CMSS1: variants seen among roughly 807,000 people sequenced by gnomAD.
The protein encoded by CMSS1 is protein CMSS1.
Under a neutral mutation model 43.5 loss-of-function variants are expected in CMSS1, and 33 were observed. The observed-to-expected ratio is 0.76, with a 90% CI of 0.57 to 1.01. The LOEUF is 1.01. Among genes scored for constraint, CMSS1 ranks in the 50% least tolerant of loss-of-function variants. The pLI is 0.00. For synonymous variants in CMSS1, 115 were observed against 117.2 expected (o/e 0.98, Z 0.12); for missense variants, 313 against 326.4 (o/e 0.96, Z 0.32).
At chr3:100,177,460 C>T (rs2067156773) in intron 9 of CMSS1, among the ~76,000 whole-genome samples, 1 of 152,206 alleles carries the variant, frequency 6.6e-6, no homozygotes, top group Non-Finnish European at 1.5e-5. Context: ...TGTCCAAAAA[C>T]ATCTTGTCAC....
chr3:99,893,446 T>G (rs551908676), intron 1 of CMSS1, among the ~76,000 whole-genome samples: 1 of 152,298 alleles, frequency 6.6e-6, no homozygotes, highest in Non-Finnish European at 1.5e-5. Context: ...ATTACAGGCT[T>G]GAGCCACCTC....
chr3:100,143,522 C>T (rs1298672381), intron 1 of CMSS1, among the ~76,000 whole-genome samples: 1 of 151,488 alleles, frequency 6.6e-6, no homozygotes, highest in African/African-American at 2.4e-5. Context: ...TGTATTCTGC[C>T]GTTGTTGATT....
rs1709942273 is a variant in CMSS1, at chr3:100,004,797, TA to T, written c.65-142175del. On this transcript the variant is annotated intron_variant, in intron 1 of 9. Coordinates refer to ENST00000421999, the MANE Select transcript of CMSS1 (RefSeq NM_032359.4). Reference sequence around the variant, plus strand: ...TCAAAATGAATTCTGGCTTCTGAGCTAGTCTGAGATTCTTAATGTTTGAGTT... The same window carrying T: ...TCAAAATGAATTCTGGCTTCTGAGCTGTCTGAGATTCTTAATGTTTGAGTT... Among the ~76,000 whole-genome samples the T allele has an allele frequency of 3.9e-5, 6 of 152,218 alleles. No individual in the cohort carries two copies. In the South Asian group the frequency reaches 1.2e-3, roughly 31 times the overall value.
chr3:100,024,325 G>C (rs1362952566), intron 1 of CMSS1, among the ~76,000 whole-genome samples: 1 of 152,054 alleles, frequency 6.6e-6, no homozygotes, highest in Non-Finnish European at 1.5e-5. Context: ...TTATACCTTA[G>C]TGATTGCATT....
intron 1 of CMSS1, chr3:99,850,355 A>T: frequency 6.2e-7 from 1 of 1,612,976 alleles, no homozygotes; most frequent in Non-Finnish European, 8.5e-7. Flanking sequence ...AGAGAGTAGC[A>T]TTCTTGTTTG....
At chr3:99,923,475 G>A (rs1707187482) in intron 1 of CMSS1, among the ~76,000 whole-genome samples, 1 of 152,164 alleles carries the variant, frequency 6.6e-6, no homozygotes, top group South Asian at 2.1e-4. Context: ...AGCCAGGAGT[G>A]CTTCTCAGTA....
At chr3:99,936,980 C>T (rs868053753) in intron 1 of CMSS1, among the ~76,000 whole-genome samples, 9 of 152,186 alleles carry the variant, frequency 5.9e-5, no homozygotes, top group Middle Eastern at 3.4e-3. Flanking sequence ...TCTTGTTACT[C>T]AGGCTGGAGT....
chr3:99,849,200 G>T, intron 1 of CMSS1: 2 of 1,614,038 alleles, frequency 1.2e-6, no homozygotes, highest in Admixed American at 1.7e-5. Context: ...TCATATAACT[G>T]ACCATTGATG....
intron 1 of CMSS1, among the ~76,000 whole-genome samples, chr3:99,844,256 GC>G (rs544471854): frequency 3.9e-5 from 6 of 152,126 alleles, no homozygotes; most frequent in Admixed American, 2.0e-4. Context: ...TGGGCCCTAC[GC>G]CCCCAGAGGT....
chr3:99,989,684 ATT>A lies in CMSS1; in HGVS notation c.65-157282_65-157281del, dbSNP rs201683932. On this transcript the variant is annotated intron_variant, in intron 1 of 9. Coordinates refer to ENST00000421999, the MANE Select transcript of CMSS1 (RefSeq NM_032359.4). ...TTCCTCTATATATATATATATATAT[ATT>A]TTTTTTCTTTTTTTTGCAGAAAAAT... Among the ~76,000 whole-genome samples, 30 of 58,388 alleles carry A rather than the reference ATT, an allele frequency of 5.1e-4. No homozygotes were observed. The East Asian group carries it at 7.2e-3, about 14-fold the overall frequency. 38.3% of individuals were successfully genotyped at this position (58,388 alleles called of 152,430 possible).
At chr3:99,876,901 T>A (rs1245618578) in intron 1 of CMSS1, among the ~76,000 whole-genome samples, 1 of 152,234 alleles carries the variant, frequency 6.6e-6, no homozygotes, top group Non-Finnish European at 1.5e-5. Context: ...TGTTTTGTGC[T>A]GTACTTTCAA....
At chr3:99,937,250 A>T (rs1707708267) in intron 1 of CMSS1, among the ~76,000 whole-genome samples, 1 of 152,142 alleles carries the variant, frequency 6.6e-6, no homozygotes, top group Admixed American at 6.5e-5. Context: ...GCTTATTTTC[A>T]TATGTGGACC....
chr3:99,911,545 G>T (rs957767788), intron 1 of CMSS1, among the ~76,000 whole-genome samples: 2 of 151,882 alleles, frequency 1.3e-5, no homozygotes, highest in Non-Finnish European at 1.5e-5. Flanking sequence ...GTATGCCCTG[G>T]CTCTAAAATA....
chr3:100,068,890 A>G (rs1164876033), intron 1 of CMSS1, among the ~76,000 whole-genome samples: 1 of 152,146 alleles, frequency 6.6e-6, no homozygotes, highest in Non-Finnish European at 1.5e-5. Flanking sequence ...TTATTTTGTG[A>G]ATTCACAGGT....
intron 1 of CMSS1, among the ~76,000 whole-genome samples, chr3:100,063,507 A>G (rs1376490974): frequency 6.6e-6 from 1 of 152,152 alleles, no homozygotes; most frequent in African/African-American, 2.4e-5. Flanking sequence ...AAAAAGAAAA[A>G]CTTTATAAAT....
chr3:100,166,215 G>A (rs2067064444), intron 4 of CMSS1, 120 bp from the exon 5 acceptor site: 1 of 622,586 alleles, frequency 1.6e-6, no homozygotes, highest in South Asian at 2.1e-5. Flanking sequence ...GATATAAAAT[G>A]GGCCCCCAAT....
chr3:100,002,009 C>T (rs1709856026), intron 1 of CMSS1, among the ~76,000 whole-genome samples: 1 of 152,088 alleles, frequency 6.6e-6, no homozygotes, highest in Admixed American at 6.6e-5. Context: ...TTGGAAATGC[C>T]CCTCTCTGGA....
rs1333824720 is a variant in CMSS1, at chr3:99,923,072, T to C, written c.64+105029T>C. 3.9e-5 allele frequency among the ~76,000 whole-genome samples: 6 copies of C among 152,166 alleles called. No homozygotes were observed. The East Asian group carries it at 9.6e-4, about 24-fold the overall frequency. On this transcript the variant is annotated intron_variant, in intron 1 of 9. Transcript: ENST00000421999. ...TCATTTCATTGCCTTCTTTGTCTTC[T>C]GGTTCTTCTAAGCTTCCACCATTTT...
chr3:99,972,790 T>G (rs188304816), intron 1 of CMSS1, among the ~76,000 whole-genome samples: 2 of 152,346 alleles, frequency 1.3e-5, no homozygotes, highest in Non-Finnish European at 1.5e-5. Context: ...GATGTTAACT[T>G]CCATAAGTGT....
Sources: allele counts gnomAD v4.1 joint callset (sites outside exome capture counted in the v4.1 genomes callset), GRCh38; gene constraint gnomAD v4.1.1; transcripts MANE v1.5; gene names NCBI Gene and HGNC (gene_info 2026-07-23, HGNC 2026-07-21).